The following NEXN variants were observed in gnomAD, a reference collection of about 807,000 sequenced individuals.
The protein encoded by NEXN is nexilin.
Under a neutral mutation model 92.6 loss-of-function variants are expected in NEXN, and 65 were observed. The observed-to-expected ratio is 0.70, with a 90% CI of 0.57 to 0.86. The LOEUF is 0.86. NEXN is among the 40% of genes least tolerant of loss of function. NEXN has a pLI of 0.00. For synonymous variants in NEXN, 254 were observed against 242.5 expected (o/e 1.05, Z -0.44); for missense variants, 778 against 771.1 (o/e 1.01, Z -0.11).
In NEXN at chr1:77,888,778, A is replaced by C; in HGVS notation, c.-53+19A>C. On this transcript the variant is annotated intron_variant, in intron 1 of 12. Transcript: ENST00000334785. ...CTGCAGGGTGAGAAGAGTTGGGGGA[A>C]CGTGGGCTGGGGGGAGTGGAGACGG... 4 of 151,042 alleles carry C rather than the reference A, an allele frequency of 2.6e-5. No homozygotes were observed. The highest frequency in any genetic ancestry group is 2.0e-4 in the East Asian group (1 of 5,004). The allele number at this position is 151,042 out of a possible 1,614,324, so 9.4% of individuals were successfully genotyped here.
rs1341932618 is a variant in NEXN, at chr1:77,942,811, C to A, written c.2010C>A (p.Thr670=). 6.2e-7 allele frequency: 1 copy of A among 1,601,350 alleles called. No homozygotes were observed. Among genetic ancestry groups the A allele is most frequent in the Admixed American group, 1.7e-5 (1 of 59,864 alleles). ...CTGCAGCTAGTACCTGTATTCTTAC[C>A]ATTGAAAGTAAGAATTAATCACTCT... is the stretch of plus-strand genomic sequence containing the variant. The part of the protein sequence containing the change: ...KGSAASTCIL[T]IESKN The change falls in exon 13 of 13, where the codon ACC becomes ACA. Residue 670 remains threonine, a synonymous_variant. Coordinates refer to ENST00000334785, the MANE Select transcript of NEXN (RefSeq NM_144573.4).
rs756273801 is a variant in NEXN, at chr1:77,926,604, T to C, written c.680T>C (p.Leu227Ser). ...CTCAAGGAAGCAAAGTGTCTTTCAT[T>C]AGTTATGGTAAATTTTTGTTTGTTT... The part of the protein sequence containing the change: ...PSLKEAKCLS[L>S]VMDDEIESEA... The change falls in exon 7 of 13, where the codon TTA becomes TCA. Residue 227 changes from leucine to serine, a missense_variant. Physicochemically the swap from Leu to Ser is moderately radical, Grantham distance 145. Transcript: ENST00000334785. 4 of 1,613,810 alleles carry C rather than the reference T, an allele frequency of 2.5e-6. No homozygotes were observed. The East Asian group carries it at 6.7e-5, about 27-fold the overall frequency.
At chr1:77,930,754 C>T (rs1285757724) in intron 9 of NEXN, among the ~76,000 whole-genome samples, 1 of 152,208 alleles carries the variant, frequency 6.6e-6, no homozygotes, top group Non-Finnish European at 1.5e-5. Context: ...TCCCTATGCT[C>T]TGCTAACTCC....
intron 9 of NEXN, 44 bp from the exon 10 acceptor site, chr1:77,933,238 A>C: frequency 8.9e-7 from 1 of 1,118,594 alleles, no homozygotes; most frequent in Non-Finnish European, 1.3e-6. Context: ...CCTTTTTAGT[A>C]TGTGTAATTC....
chr1:77,930,943 A>G (rs1006239085), intron 9 of NEXN, among the ~76,000 whole-genome samples: 5 of 152,324 alleles, frequency 3.3e-5, no homozygotes, highest in African/African-American at 9.6e-5. Context: ...CACAATGCTT[A>G]GCGTAGCAGA....
intron 1 of NEXN, among the ~76,000 whole-genome samples, chr1:77,891,577 T>C (rs1010298352): frequency 6.6e-6 from 1 of 151,890 alleles, no homozygotes; most frequent in Non-Finnish European, 1.5e-5. Context: ...CCTGGGCCTC[T>C]TCCCTGTCTT....
At chr1:77,919,791 G>T (rs1649277196) in intron 5 of NEXN, among the ~76,000 whole-genome samples, 1 of 152,070 alleles carries the variant, frequency 6.6e-6, no homozygotes, top group Non-Finnish European at 1.5e-5. Flanking sequence ...GTGGAGACGG[G>T]GTTTCGCCAT....
chr1:77,900,286 A>G (rs888053403), intron 1 of NEXN, among the ~76,000 whole-genome samples: 5 of 152,170 alleles, frequency 3.3e-5, no homozygotes, highest in Admixed American at 1.3e-4. Flanking sequence ...GGTCTAACTC[A>G]AATGTCATTG....
At chr1:77,926,976 A>G in intron 8 of NEXN, 84 bp downstream of exon 8, 1 of 1,529,680 alleles carries the variant, frequency 6.5e-7, no homozygotes, top group Non-Finnish European at 9.0e-7. Context: ...AAATTCAAAG[A>G]GATTTTACAT....
intron 1 of NEXN, among the ~76,000 whole-genome samples, chr1:77,897,503 T>G (rs1438747680): frequency 6.7e-6 from 1 of 150,256 alleles, no homozygotes; most frequent in Non-Finnish European, 1.5e-5. Context: ...ATTGATGGGA[T>G]GTATCTCAAA....
chr1:77,898,278 A>AACCAAAACAGCACGGTACTGGT (rs1161199707), intron 1 of NEXN, among the ~76,000 whole-genome samples: 1 of 152,232 alleles, frequency 6.6e-6, no homozygotes, highest in Non-Finnish European at 1.5e-5. Context: ...AGGCTACAGT[A>AACCAAAACAGCACGGTACTGGT]ACCAAAACAG....
intron 1 of NEXN, among the ~76,000 whole-genome samples, chr1:77,914,523 T>A (rs1648814190): frequency 6.6e-6 from 1 of 152,164 alleles, no homozygotes; most frequent in East Asian, 1.9e-4. Flanking sequence ...TTGATATTAA[T>A]AATTACATTA....
chr1:77,906,839 A>G (rs1430821588), intron 1 of NEXN, among the ~76,000 whole-genome samples: 1 of 151,894 alleles, frequency 6.6e-6, no homozygotes, highest in Non-Finnish European at 1.5e-5. Flanking sequence ...TTTAAATTGT[A>G]GAGATGGGGT....
At chr1:77,895,413 T>C (rs1647212464) in intron 1 of NEXN, among the ~76,000 whole-genome samples, 1 of 152,184 alleles carries the variant, frequency 6.6e-6, no homozygotes. Flanking sequence ...AGTTACATTA[T>C]ACCTAAGTTT....
At chr1:77,941,655 T>C (rs1479520773) in intron 11 of NEXN, 1 of 259,382 alleles carries the variant, frequency 3.9e-6, no homozygotes, top group Non-Finnish European at 7.5e-6. Context: ...CAGTAGGGAA[T>C]GGTATGGACT....
chr1:77,919,091 T>G (rs1417347111), intron 5 of NEXN, among the ~76,000 whole-genome samples: 2 of 152,206 alleles, frequency 1.3e-5, no homozygotes, highest in African/African-American at 4.8e-5. Flanking sequence ...TGAAAGGTAC[T>G]TCTTACGTAG....
At position 77,926,630 on chromosome 1, in the gene NEXN, G is replaced by A. The variant is rs746925844; in HGVS notation, c.687+19G>A. The A allele has an allele frequency of 2.5e-6, 4 of 1,613,766 alleles. No homozygotes were observed. In the South Asian group the frequency reaches 4.4e-5, roughly 18 times the overall value. On this transcript the variant is annotated intron_variant, in intron 7 of 12. Coordinates refer to ENST00000334785, the MANE Select transcript of NEXN (RefSeq NM_144573.4). Reference sequence around the variant, plus strand: ...AGTTATGGTAAATTTTTGTTTGTTTGTTTTCTAAGAAACAAATCAAGGCAG... The same window carrying A: ...AGTTATGGTAAATTTTTGTTTGTTTATTTTCTAAGAAACAAATCAAGGCAG...
At position 77,936,055 on chromosome 1, in the gene NEXN, T is replaced by C; in HGVS notation, c.1473+11T>C. On this transcript the variant is annotated intron_variant, in intron 11 of 12. Transcript: ENST00000334785. ...GAAAATTTTCATGAGGTATATTACC[T>C]TTATATTTAACATAGTTATGGTACA... 1 of 1,551,004 alleles carries C rather than the reference T, an allele frequency of 6.4e-7. No individual in the cohort carries two copies. Among genetic ancestry groups the C allele is most frequent in the Non-Finnish European group, 8.9e-7 (1 of 1,123,846 alleles).
At chr1:77,900,416 G>C (rs955774123) in intron 1 of NEXN, among the ~76,000 whole-genome samples, 2 of 152,068 alleles carry the variant, frequency 1.3e-5, no homozygotes, top group Admixed American at 6.6e-5. Context: ...ATAATAATTA[G>C]TACATCTATT....
Sources: allele counts gnomAD v4.1 joint callset (sites outside exome capture counted in the v4.1 genomes callset), GRCh38; gene constraint gnomAD v4.1.1; transcripts MANE v1.5; gene names NCBI Gene and HGNC (gene_info 2026-07-23, HGNC 2026-07-21).